The following FNBP1 variants were observed in gnomAD, a reference collection of about 807,000 sequenced individuals.
FNBP1 encodes the protein formin binding protein 1, also known as formin-binding protein 1.
FNBP1 carries 26 observed loss-of-function variants against 90.6 expected under a neutral mutation model. That is an observed-to-expected ratio of 0.29 (90% CI 0.21 to 0.40). FNBP1 has a LOEUF of 0.40. Ranked by LOEUF, FNBP1 falls within the 10% of genes least tolerant of loss-of-function variation. The probability of loss-of-function intolerance (pLI) is 1.00; values close to 1 mark genes in which losing one functional copy is unlikely to be tolerated. For missense variants in FNBP1, 635 were observed against 768.0 expected (o/e 0.83, Z 2.05); for synonymous variants, 260 against 265.2 (o/e 0.98, Z 0.19).
rs1479508123 is a variant in FNBP1, at chr9:129,887,792, C to A, written c.*2747G>T. The A allele has an allele frequency of 2.6e-5, 6 of 229,316 alleles. No individual in the cohort carries two copies. Among genetic ancestry groups the A allele is most frequent in the Admixed American group, 2.3e-4 (4 of 17,642 alleles). 14.2% of individuals were successfully genotyped at this position (229,316 alleles called of 1,614,324 possible). ...GGTTCTTTTAAAATTAGTCATCTTA[C>A]AACACAACAGTATTCTAGCACGGTG... On this transcript the variant is annotated 3_prime_UTR_variant, in exon 17 of 17. Coordinates refer to ENST00000446176, the MANE Select transcript of FNBP1 (RefSeq NM_015033.3).
intron 15 of FNBP1, among the ~76,000 whole-genome samples, chr9:129,897,165 C>G (rs1194707026): frequency 6.6e-6 from 1 of 152,180 alleles, no homozygotes; most frequent in Non-Finnish European, 1.5e-5. Context: ...TGGGAGCCGT[C>G]TTGGATTTCC....
intron 2 of FNBP1, among the ~76,000 whole-genome samples, chr9:129,984,735 G>A (rs186279850): frequency 3.3e-5 from 5 of 152,146 alleles, no homozygotes; most frequent in Non-Finnish European, 5.9e-5. Context: ...TGAATCATGG[G>A]GGGGGCCGGT....
chr9:130,010,254 C>T (rs1589243505), intron 1 of FNBP1, among the ~76,000 whole-genome samples: 1 of 152,152 alleles, frequency 6.6e-6, no homozygotes, highest in Non-Finnish European at 1.5e-5. Context: ...AGCTATCCCC[C>T]ATCCATCCCA....
At chr9:129,981,747 G>A (rs750801683) in intron 2 of FNBP1, among the ~76,000 whole-genome samples, 8 of 152,146 alleles carry the variant, frequency 5.3e-5, no homozygotes, top group African/African-American at 7.2e-5. Flanking sequence ...TAATGTGTAC[G>A]TCAGCAGGGG....
chr9:130,028,017 C>A (rs993075056), intron 1 of FNBP1, among the ~76,000 whole-genome samples: 1 of 152,172 alleles, frequency 6.6e-6, no homozygotes, highest in African/African-American at 2.4e-5. Flanking sequence ...TCTACCCCCA[C>A]CTGGGCCTCC....
intron 4 of FNBP1, among the ~76,000 whole-genome samples, chr9:129,962,598 G>A (rs898216765): frequency 6.6e-6 from 1 of 152,202 alleles, no homozygotes; most frequent in Non-Finnish European, 1.5e-5. Context: ...TCCTTTATAA[G>A]GGAATGTTTT....
intron 4 of FNBP1, among the ~76,000 whole-genome samples, chr9:129,959,653 G>A (rs758820961): frequency 4.6e-5 from 7 of 152,130 alleles, no homozygotes; most frequent in Non-Finnish European, 1.0e-4. Context: ...CGACAGGAAT[G>A]TTTTAAGACA....
chr9:129,961,709 C>T (rs1203819279), intron 4 of FNBP1, among the ~76,000 whole-genome samples: 2 of 152,134 alleles, frequency 1.3e-5, no homozygotes, highest in Admixed American at 6.5e-5. Context: ...CTCAGCCTCC[C>T]TGGTAGCTGG....
intron 10 of FNBP1, among the ~76,000 whole-genome samples, chr9:129,923,334 A>G (rs139829803): frequency 0.01 from 1,548 of 152,258 alleles, 18 homozygotes; most frequent in African/African-American, 0.035. Context: ...TAATCCCAGC[A>G]CTTTGTAAGG....
In FNBP1 at chr9:129,900,008, G is replaced by A; in HGVS notation, c.1644C>T (p.Pro548=). 6.2e-7 allele frequency: 1 copy of A among 1,613,306 alleles called. No homozygotes were observed. The highest frequency in any genetic ancestry group is 8.5e-7 in the Non-Finnish European group (1 of 1,179,574). Residue 548 remains proline, a synonymous_variant, in exon 15 of 17, where the codon CCC becomes CCT. Transcript: ENST00000446176. The surrounding 1 kb of genome is among the most constrained non-coding windows in gnomAD (Gnocchi z 4.1). ...CTTTGCACGTCCCTATGGCAGGGAG[G>A]GGCTCCTCATCATCAAACTCGTCGT... The part of the protein sequence containing the change: ...DFDDEFDDEE[P]LPAIGTCKAL...
chr9:129,994,267 G>C (rs1476296802), intron 2 of FNBP1, among the ~76,000 whole-genome samples: 1 of 152,148 alleles, frequency 6.6e-6, no homozygotes, highest in African/African-American at 2.4e-5. Flanking sequence ...CTACCACATG[G>C]TCAATCTCAC....
intron 8 of FNBP1, among the ~76,000 whole-genome samples, chr9:129,926,890 AG>A (rs1293429448): frequency 6.6e-6 from 1 of 151,436 alleles, no homozygotes; most frequent in Non-Finnish European, 1.5e-5. Context: ...CATCTCAAAA[AG>A]AAAAAAAAAA....
chr9:129,943,946 C>T (rs376925739), intron 6 of FNBP1, among the ~76,000 whole-genome samples: 5,035 of 130,582 alleles, frequency 0.039, 85 homozygotes, highest in Middle Eastern at 0.083. Context: ...TGAGCCAAGA[C>T]TGCACCACTG....
rs1005679140 is a variant in FNBP1 at position 129,978,021 on chromosome 9, CT to C, written c.345+443del. 5.9e-3 allele frequency among the ~76,000 whole-genome samples: 853 copies of C among 145,172 alleles called. 21 individuals carry two copies. The highest frequency in any genetic ancestry group is 0.046 in the Admixed American group (668 of 14,538). On this transcript the variant is annotated intron_variant, in intron 4 of 16. Transcript: ENST00000446176. ...AGGAACAGGGTCTGTAACTTTTTTT[CT>C]TTTTTTTTTTCTTTTTGAGACGGAG...
chr9:129,987,846 T>C (rs1275108804), intron 2 of FNBP1, among the ~76,000 whole-genome samples: 1 of 152,116 alleles, frequency 6.6e-6, no homozygotes, highest in Admixed American at 6.5e-5. Context: ...AGTTTCACTT[T>C]ACTGTCGTTT....
At chr9:129,901,355 G>C (rs2036903344) in intron 13 of FNBP1, among the ~76,000 whole-genome samples, 1 of 151,856 alleles carries the variant, frequency 6.6e-6, no homozygotes, top group African/African-American at 2.4e-5. Context: ...TGGCCAACAT[G>C]GTGAAACTCC....
chr9:130,011,575 A>G (rs1215820858), intron 1 of FNBP1, among the ~76,000 whole-genome samples: 2 of 151,978 alleles, frequency 1.3e-5, no homozygotes, highest in Non-Finnish European at 2.9e-5. Context: ...TCCCTTCCCC[A>G]TGTGGCAACA....
chr9:130,034,466 G>A (rs1419170859), intron 1 of FNBP1, among the ~76,000 whole-genome samples: 1 of 152,086 alleles, frequency 6.6e-6, no homozygotes. Context: ...CTGGTCAACA[G>A]AGTGAGACTC....
chr9:129,925,070 G>C lies in FNBP1; in HGVS notation c.877C>G (p.Arg293Gly). ...GAAAGGCTGTTATCTGACACAGTGC[G>C]CTTCATTGGCTGAGTGTAATCCTCA... Reference protein sequence around the residue: ...EFEDYTQPMKRTVSDNSLSNS... With the variant: ...EFEDYTQPMKGTVSDNSLSNS... The change falls in exon 9 of 17, where the codon CGC (arginine) becomes GGC (glycine). Residue 293 changes from arginine (R) to glycine (G), a missense_variant. Transcript: ENST00000446176. The C allele has an allele frequency of 6.2e-7, 1 of 1,613,720 alleles. No individual in the cohort carries two copies. Among genetic ancestry groups the C allele is most frequent in the South Asian group, 1.1e-5 (1 of 91,076 alleles).
Sources: allele counts gnomAD v4.1 joint callset (sites outside exome capture counted in the v4.1 genomes callset), GRCh38; gene constraint gnomAD v4.1.1; non-coding constraint Gnocchi (gnomAD v3.1); transcripts MANE v1.5; gene names NCBI Gene and HGNC (gene_info 2026-07-23, HGNC 2026-07-21).